SYNE1: variants seen among roughly 807,000 people sequenced by gnomAD.
SYNE1 encodes spectrin repeat containing nuclear envelope protein 1, also known as nesprin-1.
In SYNE1, 616 loss-of-function variants were observed where a neutral mutation model predicts 1,111.0. The ratio of observed to expected loss-of-function variants is 0.55; its 90% CI spans 0.52 to 0.59. The LOEUF (loss-of-function observed/expected upper bound fraction) is 0.59, where lower values mean the gene tolerates loss of function less well. Among genes scored for constraint, SYNE1 ranks in the 20% least tolerant of loss-of-function variants. The probability of loss-of-function intolerance (pLI) is 0.00; values close to 1 mark genes in which losing one functional copy is unlikely to be tolerated. For missense variants in SYNE1, 10,006 were observed against 10,417.0 expected (o/e 0.96, Z 1.72); for synonymous variants, 3,855 against 3,825.8 (o/e 1.01, Z -0.28).
At chr6:152,226,346 G>C (rs948192354) in intron 115 of SYNE1, among the ~76,000 whole-genome samples, 5 of 152,040 alleles carry the variant, frequency 3.3e-5, no homozygotes, top group Admixed American at 2.0e-4. Flanking sequence ...AGTCACTTTG[G>C]GTAGGTGAGA....
intron 82 of SYNE1, 71 bp from the exon 83 acceptor site, chr6:152,321,957 T>C: frequency 6.5e-7 from 1 of 1,546,066 alleles, no homozygotes; most frequent in Non-Finnish European, 8.9e-7. Flanking sequence ...CAACATTTTA[T>C]CCAATACATA....
chr6:152,510,268 T>C lies in SYNE1; in HGVS notation c.506A>G (p.Lys169Arg), dbSNP rs770552072. The C allele has an allele frequency of 6.2e-7, 1 of 1,614,114 alleles. No homozygotes were observed. Among genetic ancestry groups the C allele is most frequent in the South Asian group, 1.1e-5 (1 of 91,076 alleles). The change falls in exon 8 of 146, where the codon AAA (lysine) becomes AGA (arginine). Residue 169 changes from lysine (K) to arginine (R), a missense_variant. Around this residue, in one of 7 missense-constraint regions of SYNE1, gnomAD observed 1,971 missense variants for 2,084.1 expected, o/e 0.95. Transcript: ENST00000367255. ...VSSETPSPPSKRKVTTKIQGN... is the reference protein window; with the variant it reads ...VSSETPSPPSRRKVTTKIQGN... ...TTGGATCTTGGTGGTCACCTTCCGT[T>C]TACTTGGTGGGCTGGGAGTCTCAGA... is the stretch of plus-strand genomic sequence containing the variant.
Position 152,353,718 on chromosome 6 carries a change from G to A in SYNE1, c.10953C>T (p.Tyr3651=), listed in dbSNP as rs779741109. 20 of 1,614,000 alleles carry A rather than the reference G, an allele frequency of 1.2e-5. No individual in the cohort carries two copies. Among genetic ancestry groups the A allele is most frequent in the Non-Finnish European group, 1.6e-5 (19 of 1,180,042 alleles). ...CTCCCACTTCCTCAACTTCATCTCT[G>A]TATGCAGTCACTTCTTCGTGCCACT... ...MKKWHEEVTA[Y]RDEVEEVGAR... Residue 3651 remains tyrosine (Y), a synonymous_variant, in exon 68 of 146, where the codon TAC becomes TAT. Coordinates refer to ENST00000367255, the MANE Select transcript of SYNE1 (RefSeq NM_182961.4).
At chr6:152,412,589 A>C (rs1300489202) in intron 42 of SYNE1, among the ~76,000 whole-genome samples, 1 of 152,196 alleles carries the variant, frequency 6.6e-6, no homozygotes, top group African/African-American at 2.4e-5. Context: ...AGGGGGCCTA[A>C]GGGCAAGGGG....
At chr6:152,502,194 T>C (rs543996861) in intron 10 of SYNE1, among the ~76,000 whole-genome samples, 1 of 152,164 alleles carries the variant, frequency 6.6e-6, no homozygotes, top group East Asian at 1.9e-4. Flanking sequence ...TTAGAACTTT[T>C]ACAAATTGCG....
At position 152,577,850 on chromosome 6, in the gene SYNE1, C is replaced by G. The variant is rs559275689; in HGVS notation, c.68-37829G>C. On this transcript the variant is annotated intron_variant, in intron 3 of 145. Transcript: ENST00000367255. Reference sequence around the variant, plus strand: ...AATTTACTTATTTACTATACTATACCTTGCCTACTTGCAAAATGCTTATAG... The same window carrying G: ...AATTTACTTATTTACTATACTATACGTTGCCTACTTGCAAAATGCTTATAG... Among the ~76,000 whole-genome samples the G allele has an allele frequency of 2.6e-5, 4 of 151,786 alleles. No individual in the cohort carries two copies. In the South Asian group the frequency reaches 8.3e-4, roughly 32 times the overall value.
At chr6:152,514,869 TC>T (rs1242369628) in intron 6 of SYNE1, among the ~76,000 whole-genome samples, 1 of 152,070 alleles carries the variant, frequency 6.6e-6, no homozygotes, top group Non-Finnish European at 1.5e-5. Context: ...AGCCACCCAG[TC>T]TGTGATACTC....
intron 145 of SYNE1, among the ~76,000 whole-genome samples, chr6:152,124,544 A>G (rs747118680): frequency 1.3e-5 from 2 of 152,194 alleles, no homozygotes; most frequent in Non-Finnish European, 2.9e-5. Context: ...TTCTAACTTT[A>G]AAGTTTACTG....
At chr6:152,441,308 T>C (rs750519712) in intron 31 of SYNE1, 38 bp from the exon 32 acceptor site, 1 of 1,581,244 alleles carries the variant, frequency 6.3e-7, no homozygotes, top group Non-Finnish European at 8.6e-7. Flanking sequence ...GGGTTACAAA[T>C]GTCACACAAT....
At chr6:152,568,289 C>CTTTTTTTT (rs10601350) in intron 3 of SYNE1, among the ~76,000 whole-genome samples, 13 of 80,282 alleles carry the variant, frequency 1.6e-4, no homozygotes, top group African/African-American at 3.0e-4. Context: ...TTATTTTATT[C>CTTTTTTTT]TTTTTTTTTT....
chr6:152,494,250 C>T (rs2098987327), intron 11 of SYNE1, among the ~76,000 whole-genome samples: 3 of 152,184 alleles, frequency 2.0e-5, no homozygotes, highest in South Asian at 4.1e-4. Context: ...ATACTTTCTG[C>T]TCCCTAGCTC....
intron 45 of SYNE1, among the ~76,000 whole-genome samples, chr6:152,406,529 G>C (rs2097904379): frequency 6.6e-6 from 1 of 150,638 alleles, no homozygotes; most frequent in Admixed American, 6.6e-5. Context: ...AAATTAAATA[G>C]CAAAAGATAG....
chr6:152,255,081 G>A lies in SYNE1; in HGVS notation c.19269C>T (p.Ala6423=). The A allele has an allele frequency of 6.3e-7, 1 of 1,594,658 alleles. No individual in the cohort carries two copies. Among genetic ancestry groups the A allele is most frequent in the Non-Finnish European group, 8.6e-7 (1 of 1,168,066 alleles). Residue 6423 remains alanine, a synonymous_variant, in exon 104 of 146, where the codon GCC becomes GCT. Transcript: ENST00000367255. ...CTTCAGACATTTCCTTAATGTCTTT[G>A]GCAAGAATCTAGAGGTGATAAAAGG... The part of the protein sequence containing the change: ...ETCLFNQEIL[A]KDIKEMSEEM...
At chr6:152,418,499 C>T (rs556935011) in intron 40 of SYNE1, among the ~76,000 whole-genome samples, 65 of 152,280 alleles carry the variant, frequency 4.3e-4, no homozygotes, top group African/African-American at 1.4e-3. Flanking sequence ...TTGCTATATG[C>T]GTACTATGTA....
intron 74 of SYNE1, among the ~76,000 whole-genome samples, chr6:152,340,373 G>T (rs555154268): frequency 6.6e-5 from 10 of 152,160 alleles, no homozygotes; most frequent in Non-Finnish European, 1.5e-4. Flanking sequence ...GCTGGGTTTT[G>T]TCTCTAGTCT....
chr6:152,511,140 A>G (rs957921444), intron 6 of SYNE1, 37 bp from the exon 7 acceptor site: 3 of 1,537,132 alleles, frequency 2.0e-6, no homozygotes, highest in African/African-American at 2.7e-5. Flanking sequence ...GTAATGTACT[A>G]GAATATTATA....
chr6:152,144,736 C>T (rs1188510760), intron 137 of SYNE1: 2 of 152,420 alleles, frequency 1.3e-5, no homozygotes, highest in Non-Finnish European at 2.9e-5. Context: ...CTAGTAACTC[C>T]GTGATTCAAT....
chr6:152,199,825 G>C (rs760929233), intron 127 of SYNE1, among the ~76,000 whole-genome samples: 1 of 152,212 alleles, frequency 6.6e-6, no homozygotes, highest in Non-Finnish European at 1.5e-5. Context: ...GCTAAGGGCA[G>C]TTTGGGGAAG....
At chr6:152,380,873 A>G in intron 56 of SYNE1, 133 bp downstream of exon 56, 1 of 846,648 alleles carries the variant, frequency 1.2e-6, no homozygotes, top group Non-Finnish European at 2.0e-6. Flanking sequence ...TTGCTTATTT[A>G]ATGAGATAAA....
Sources: gnomAD v4.1 joint callset for allele counts (sites outside exome capture counted in the v4.1 genomes callset) on GRCh38, gnomAD v4.1.1 for gene constraint, gnomAD v4.1.1 regional missense constraint, MANE v1.5 for transcripts, NCBI Gene and HGNC (gene_info 2026-07-23, HGNC 2026-07-21) for gene names.